TEX2: variants seen among roughly 807,000 people sequenced by gnomAD.
TEX2 encodes testis-expressed protein 2.
Under a neutral mutation model 106.9 loss-of-function variants are expected in TEX2, and 53 were observed. The ratio of observed to expected loss-of-function variants is 0.50; its 90% CI spans 0.40 to 0.62. The LOEUF is 0.62. Among genes scored for constraint, TEX2 ranks in the 20% least tolerant of loss-of-function variants. The pLI is 0.00. For synonymous variants in TEX2, 523 were observed against 534.8 expected (o/e 0.98, Z 0.30); for missense variants, 1,207 against 1,379.0 (o/e 0.88, Z 1.98).
Position 64,198,050 on chromosome 17 carries a change from A to G in TEX2, c.1645-2955T>C, listed in dbSNP as rs370263800. ...TTCCAAATATTTGAGAAATTTTCAG[A>G]TATCTCTCTTACTGGTTTTTAGTGT... On this transcript the variant is annotated intron_variant, in intron 2 of 11. Transcript: ENST00000584379. 2.6e-5 allele frequency among the ~76,000 whole-genome samples: 4 copies of G among 152,058 alleles called. No individual in the cohort carries two copies. The East Asian group carries it at 7.7e-4, about 29-fold the overall frequency.
intron 2 of TEX2, among the ~76,000 whole-genome samples, chr17:64,211,984 C>CGACAGATT (rs2033015912): frequency 6.6e-6 from 1 of 152,206 alleles, no homozygotes. Context: ...CCGTCTCAAT[C>CGACAGATT]GACAGATTAG....
At chr17:64,152,462 C>A (rs1417381246) in intron 10 of TEX2, among the ~76,000 whole-genome samples, 1 of 152,216 alleles carries the variant, frequency 6.6e-6, no homozygotes, top group Non-Finnish European at 1.5e-5. Flanking sequence ...TGAGGCCTAA[C>A]TCAGGGAAGT....
intron 1 of TEX2, among the ~76,000 whole-genome samples, chr17:64,245,890 T>C (rs2143441913): frequency 6.6e-6 from 1 of 152,350 alleles, no homozygotes. Context: ...GACTCTTCAT[T>C]AATTTTAGAT....
At position 64,150,442 on chromosome 17, in the gene TEX2, A is replaced by C. The variant is rs573290210; in HGVS notation, c.3261+399T>G. Reference sequence around the variant, plus strand: ...TCCAGGAATGTTTGTTGAACTGAACAAACTGAGCAAGGTGAACAGCACACA... The same window carrying C: ...TCCAGGAATGTTTGTTGAACTGAACCAACTGAGCAAGGTGAACAGCACACA... On this transcript the variant is annotated intron_variant, in intron 11 of 11. Coordinates refer to ENST00000584379, the MANE Select transcript of TEX2 (RefSeq NM_001288732.2). 957 of 153,296 alleles carry C rather than the reference A, an allele frequency of 6.2e-3. 11 individuals are homozygous for C. The highest frequency in any genetic ancestry group is 9.9e-3 in the Non-Finnish European group (682 of 68,752). The allele number at this position is 153,296 out of a possible 1,614,324, so 9.5% of individuals were successfully genotyped here.
chr17:64,163,534 G>A (rs2030982647), intron 7 of TEX2, among the ~76,000 whole-genome samples: 1 of 152,192 alleles, frequency 6.6e-6, no homozygotes, highest in Admixed American at 6.5e-5. Flanking sequence ...TCAGATGAGG[G>A]TAAGAAGACT....
intron 5 of TEX2, among the ~76,000 whole-genome samples, chr17:64,182,573 G>A (rs887171868): frequency 1.1e-4 from 17 of 151,862 alleles, no homozygotes; most frequent in Admixed American, 9.2e-4. Context: ...GAACATTTTC[G>A]TCACTCCCCA....
At chr17:64,149,835 G>GCACT (rs2030252615) in intron 11 of TEX2, 1 of 151,144 alleles carries the variant, frequency 6.6e-6, no homozygotes, top group Non-Finnish European at 1.5e-5. Flanking sequence ...TGAGAATGGT[G>GCACT]TGAACCTGGG....
At chr17:64,259,320 C>T (rs1485542771) in intron 1 of TEX2, among the ~76,000 whole-genome samples, 2 of 152,164 alleles carry the variant, frequency 1.3e-5, no homozygotes, top group South Asian at 2.1e-4. Context: ...GGACATTTCA[C>T]GCAGTGTAAT....
chr17:64,223,510 C>T (rs1247531494), intron 1 of TEX2, among the ~76,000 whole-genome samples: 9 of 151,778 alleles, frequency 5.9e-5, no homozygotes, highest in African/African-American at 1.2e-4. Flanking sequence ...ATCACCAACA[C>T]GTGTTTGTTC....
intron 1 of TEX2, among the ~76,000 whole-genome samples, chr17:64,251,002 A>G (rs782032129): frequency 1.3e-5 from 2 of 152,076 alleles, no homozygotes; most frequent in Non-Finnish European, 2.9e-5. Flanking sequence ...TCCCCTTTCC[A>G]TCATAAAAGG....
At chr17:64,227,225 A>AT (rs66669722) in intron 1 of TEX2, among the ~76,000 whole-genome samples, 1 of 30,994 alleles carries the variant, frequency 3.2e-5, no homozygotes, top group Non-Finnish European at 1.0e-4. Context: ...ACTCCGTATC[A>AT]AAAAAAAAAA....
intron 1 of TEX2, among the ~76,000 whole-genome samples, chr17:64,249,409 G>A (rs974920340): frequency 1.3e-5 from 2 of 152,148 alleles, no homozygotes; most frequent in Non-Finnish European, 2.9e-5. Flanking sequence ...TCAGTTCTGT[G>A]ACAGATCCCA....
At chr17:64,222,857 G>A (rs1265731862) in intron 1 of TEX2, among the ~76,000 whole-genome samples, 3 of 152,054 alleles carry the variant, frequency 2.0e-5, no homozygotes, top group Non-Finnish European at 2.9e-5. Flanking sequence ...AGGCTATTTG[G>A]AGCCAAATGC....
At chr17:64,218,405 C>CTT (rs10526886) in intron 1 of TEX2, among the ~76,000 whole-genome samples, 58 of 120,594 alleles carry the variant, frequency 4.8e-4, no homozygotes, top group African/African-American at 1.7e-3. Context: ...GACACTTTCA[C>CTT]TTTTTTTTTT....
intron 2 of TEX2, among the ~76,000 whole-genome samples, chr17:64,204,732 G>A (rs1188041379): frequency 6.6e-6 from 1 of 152,022 alleles, no homozygotes; most frequent in Non-Finnish European, 1.5e-5. Context: ...TCTTCTTAAC[G>A]GCTAATTATT....
intron 3 of TEX2, 53 bp from the exon 4 acceptor site, chr17:64,193,942 C>G: frequency 7.4e-7 from 1 of 1,351,434 alleles, no homozygotes; most frequent in Non-Finnish European, 9.9e-7. Context: ...CTACACTATG[C>G]ATTAATATTA....
intron 7 of TEX2, among the ~76,000 whole-genome samples, chr17:64,170,332 A>G (rs1448520798): frequency 6.6e-6 from 1 of 152,214 alleles, no homozygotes; most frequent in Non-Finnish European, 1.5e-5. Flanking sequence ...AGAAGACATG[A>G]AAGTCAAAAA....
At chr17:64,218,018 G>A (rs895349706) in intron 1 of TEX2, among the ~76,000 whole-genome samples, 1 of 152,186 alleles carries the variant, frequency 6.6e-6, no homozygotes, top group Non-Finnish European at 1.5e-5. Flanking sequence ...CTGGTTGTCT[G>A]GGAAGGCAGG....
At chr17:64,164,445 A>C (rs555306868) in intron 7 of TEX2, among the ~76,000 whole-genome samples, 6 of 151,990 alleles carry the variant, frequency 3.9e-5, no homozygotes, top group Admixed American at 2.0e-4. Flanking sequence ...AAAAAAAAAA[A>C]AACCCTGGCA....
Sources: allele counts gnomAD v4.1 joint callset (sites outside exome capture counted in the v4.1 genomes callset), GRCh38; gene constraint gnomAD v4.1.1; transcripts MANE v1.5; gene names NCBI Gene and HGNC (gene_info 2026-07-23, HGNC 2026-07-21).